Variants in KIFC3 observed in about 807,000 individuals in gnomAD.
KIFC3 encodes the protein kinesin-like protein KIFC3.
In KIFC3, 60 loss-of-function variants were observed where a neutral mutation model predicts 101.8. The observed-to-expected ratio is 0.59, with a 90% CI of 0.48 to 0.73. The LOEUF (loss-of-function observed/expected upper bound fraction) is 0.73. Among genes scored for constraint, KIFC3 ranks in the 30% least tolerant of loss-of-function variants. The pLI, the probability that KIFC3 is intolerant of heterozygous loss-of-function variation, is 0.00. For synonymous variants in KIFC3, 476 were observed against 482.7 expected (o/e 0.99, Z 0.18); for missense variants, 966 against 1,137.1 (o/e 0.85, Z 2.16).
At chr16:57,771,121 C>A (rs1362359820) in intron 6 of KIFC3, 77 bp downstream of exon 6, 5 of 1,555,778 alleles carry the variant, frequency 3.2e-6, no homozygotes, top group Non-Finnish European at 4.4e-6. Context: ...CCAGGACAAG[C>A]CCCCCTTATG....
At chr16:57,815,382 A>G in intron 1 of KIFC3, 1 of 1,123,330 alleles carries the variant, frequency 8.9e-7, no homozygotes, top group Non-Finnish European at 1.1e-6. Flanking sequence ...CTCTGTGCTT[A>G]GAGATCCACA....
chr16:57,808,648 A>T (rs1395650460), intron 1 of KIFC3, among the ~76,000 whole-genome samples: 2 of 152,074 alleles, frequency 1.3e-5, no homozygotes, highest in East Asian at 3.9e-4. Context: ...ACTTATTGTC[A>T]TTGGCCCAGA....
At chr16:57,805,508 G>A (rs116721889), upstream of KIFC3, among the ~76,000 whole-genome samples, 988 of 152,128 alleles carry the variant, frequency 6.5e-3, 10 homozygotes, top group African/African-American at 0.023. Context: ...CCTTCCTGCC[G>A]AACTCTGGCA....
At chr16:57,785,455 C>T in intron 3 of KIFC3, 1 of 1,282,538 alleles carries the variant, frequency 7.8e-7, no homozygotes. Flanking sequence ...TCCCAGCCTC[C>T]CCAGGTACCT....
At chr16:57,816,675 A>G (rs1555628900) in intron 1 of KIFC3, 4 of 456,572 alleles carry the variant, frequency 8.8e-6, no homozygotes, top group Admixed American at 7.0e-5. Flanking sequence ...ACCCCTCCCC[A>G]CAACCAGGAG....
chr16:57,789,802 T>C (rs1177763401), intron 3 of KIFC3, among the ~76,000 whole-genome samples: 1 of 152,008 alleles, frequency 6.6e-6, no homozygotes, highest in Non-Finnish European at 1.5e-5. Flanking sequence ...AGTGGTGTGA[T>C]CTCGGCTCAC....
intron 12 of KIFC3, among the ~76,000 whole-genome samples, chr16:57,763,419 A>G (rs753675459): frequency 2.6e-5 from 4 of 152,012 alleles, no homozygotes; most frequent in Non-Finnish European, 2.9e-5. Context: ...CAGATGGGAA[A>G]TAAGAGGGCC....
intron 3 of KIFC3, among the ~76,000 whole-genome samples, chr16:57,784,935 C>A (rs2053163271): frequency 6.6e-6 from 1 of 152,204 alleles, no homozygotes; most frequent in Non-Finnish European, 1.5e-5. Flanking sequence ...TGCATGAACC[C>A]TGGCTCTCCC....
At chr16:57,835,724 C>G (rs1263236802) in intron 1 of KIFC3, among the ~76,000 whole-genome samples, 1 of 152,012 alleles carries the variant, frequency 6.6e-6, no homozygotes, top group Non-Finnish European at 1.5e-5. Context: ...CCGAGGCAGG[C>G]AGATCACTTG....
chr16:57,769,609 T>G lies in KIFC3; in HGVS notation c.1204A>C (p.Ser402Arg). 1 of 1,610,668 alleles carries G rather than the reference T, an allele frequency of 6.2e-7. No individual in the cohort carries two copies. The change falls in exon 9 of 20, where the codon AGT (serine) becomes CGT (arginine). Residue 402 changes from serine (S) to arginine (R), a missense_variant. By Grantham distance (110) the Ser-to-Arg change is moderately radical. This residue lies in a region of KIFC3 where 689 missense variants were observed against 884.6 expected (regional missense o/e 0.78). Coordinates refer to ENST00000445690, the MANE Select transcript of KIFC3 (RefSeq NM_001130100.2). The surrounding 1 kb of genome is among the most constrained non-coding windows in gnomAD (Gnocchi z 4.3). Reference protein sequence around the residue: ...FPLLLQEALRSVKAEIGQAIE... With the variant: ...FPLLLQEALRRVKAEIGQAIE... ...CCCTCGCTCACCTCGGCCTTGACACTCCTGAGGGCCTCCTGCAGCAGCAGT... is the reference window on the plus strand; with the variant it reads ...CCCTCGCTCACCTCGGCCTTGACACGCCTGAGGGCCTCCTGCAGCAGCAGT...
chr16:57,821,677 G>T (rs1009342158), intron 1 of KIFC3, among the ~76,000 whole-genome samples: 1 of 152,092 alleles, frequency 6.6e-6, no homozygotes, highest in Non-Finnish European at 1.5e-5. Flanking sequence ...TTCGGGGAGG[G>T]GTGCTATTAT....
At chr16:57,815,918 C>T (rs1018719744) in intron 1 of KIFC3, among the ~76,000 whole-genome samples, 2 of 152,200 alleles carry the variant, frequency 1.3e-5, no homozygotes, top group African/African-American at 4.8e-5. Flanking sequence ...TGCCCGGATA[C>T]CCCGGGGTCC....
intron 2 of KIFC3, among the ~76,000 whole-genome samples, chr16:57,795,910 T>C (rs2054281030): frequency 7.0e-6 from 1 of 142,968 alleles, no homozygotes; most frequent in African/African-American, 2.6e-5. Context: ...TTTTTTTTTT[T>C]TGAGACAGGG....
intron 1 of KIFC3, among the ~76,000 whole-genome samples, chr16:57,859,771 C>G (rs1159003563): frequency 2.6e-5 from 4 of 152,004 alleles, no homozygotes; most frequent in Non-Finnish European, 5.9e-5. Context: ...CTTGTAATCC[C>G]AGCACTTCGG....
chr16:57,844,107 CAA>C (rs374892919), intron 1 of KIFC3, among the ~76,000 whole-genome samples: 2 of 136,926 alleles, frequency 1.5e-5, no homozygotes, highest in African/African-American at 5.4e-5. Flanking sequence ...GAATCCATCT[CAA>C]AAAAAAAAAG....
chr16:57,796,954 C>A (rs1283766169), intron 2 of KIFC3, among the ~76,000 whole-genome samples: 4 of 152,248 alleles, frequency 2.6e-5, no homozygotes, highest in African/African-American at 9.6e-5. Context: ...CCATCCTCTG[C>A]CCCTTTCAGA....
At chr16:57,759,587 G>A (rs2049570099) in intron 18 of KIFC3, 141 bp downstream of exon 18, 4 of 638,432 alleles carry the variant, frequency 6.3e-6, no homozygotes, top group Admixed American at 6.1e-5. Flanking sequence ...CTGGGGGCAG[G>A]GGAGGTTGTA....
At chr16:57,848,165 G>A (rs1211816331) in intron 1 of KIFC3, among the ~76,000 whole-genome samples, 2 of 152,178 alleles carry the variant, frequency 1.3e-5, no homozygotes, top group African/African-American at 4.8e-5. Flanking sequence ...TTTTATTGTT[G>A]TTATTTTCTG....
At chr16:57,789,688 A>G (rs2053679723) in intron 3 of KIFC3, among the ~76,000 whole-genome samples, 1 of 152,192 alleles carries the variant, frequency 6.6e-6, no homozygotes, top group African/African-American at 2.4e-5. Context: ...TGGCATTTGA[A>G]TTGTTAACCT....
Sources: allele counts gnomAD v4.1 joint callset (sites outside exome capture counted in the v4.1 genomes callset), GRCh38; gene constraint gnomAD v4.1.1; regional missense constraint gnomAD v4.1.1; non-coding constraint Gnocchi (gnomAD v3.1); transcripts MANE v1.5; gene names NCBI Gene and HGNC (gene_info 2026-07-23, HGNC 2026-07-21).